Variants in COMMD7 observed in about 807,000 individuals in gnomAD.
COMMD7 encodes COMM domain containing 7.
In COMMD7, 28 loss-of-function variants were observed where a neutral mutation model predicts 34.8. The ratio of observed to expected loss-of-function variants is 0.80; its 90% confidence interval spans 0.60 to 1.10. COMMD7 has a LOEUF of 1.10. COMMD7 is among the 50% of genes least tolerant of loss of function. COMMD7 has a pLI of 0.00. For synonymous variants in COMMD7, 80 were observed against 86.4 expected, an observed-to-expected ratio of 0.93 and a Z score of 0.41; for missense variants, 211 against 241.6, an observed-to-expected ratio of 0.87 and a Z score of 0.84.
chr20:32,726,062 CAA>C (rs34689858), intron 3 of COMMD7, among the ~76,000 whole-genome samples: 91 of 71,114 alleles, frequency 1.3e-3, no homozygotes, highest in South Asian at 3.4e-3. Flanking sequence ...AAGCCTGTCT[CAA>C]AAAAAAAAAA....
rs73251849 is a variant in COMMD7, at chr20:32,706,888, A to C, written c.242-128T>G. On this transcript the variant is annotated intron_variant, in intron 3 of 8. Coordinates refer to ENST00000278980, the MANE Select transcript of COMMD7 (RefSeq NM_053041.3). ...CACCCAAAGACTGGCCAGCTCCAAG[A>C]TCTCAATCCAGCCATGGGGAAATAG... 8.4e-3 allele frequency: 5,810 copies of C among 690,526 alleles called. 215 individuals are homozygous for C. The African/African-American group carries it at 0.093, about 11-fold the overall frequency. 42.8% of individuals were successfully genotyped at this position (690,526 alleles called of 1,614,324 possible).
intron 3 of COMMD7, among the ~76,000 whole-genome samples, chr20:32,721,208 A>G (rs1407326301): frequency 2.0e-5 from 3 of 152,358 alleles, no homozygotes; most frequent in Middle Eastern, 3.4e-3. Flanking sequence ...GCGGTGGCTC[A>G]TGCCTGTAAT....
Position 32,739,369 on chromosome 20 carries a change from G to C in COMMD7, c.84+3939C>G, listed in dbSNP as rs113819902. 4.4e-3 allele frequency among the ~76,000 whole-genome samples: 664 copies of C among 152,270 alleles called. 3 individuals carry two copies. The highest frequency in any genetic ancestry group is 0.015 in the African/African-American group (629 of 41,550). Reference sequence around the variant, plus strand: ...TCAATTAGTTAACATACATAAGCTGGGCGCGGTGTCTCACGCCTGTAATCC... The same window carrying C: ...TCAATTAGTTAACATACATAAGCTGCGCGCGGTGTCTCACGCCTGTAATCC... On this transcript the variant is annotated intron_variant, in intron 1 of 8. Coordinates refer to ENST00000278980, the MANE Select transcript of COMMD7 (RefSeq NM_053041.3).
chr20:32,732,583 C>A (rs1306575231), intron 1 of COMMD7, among the ~76,000 whole-genome samples: 1 of 150,984 alleles, frequency 6.6e-6, no homozygotes, highest in Non-Finnish European at 1.5e-5. Flanking sequence ...GTTCAGGCAA[C>A]ATAGTGAGAG....
chr20:32,704,362 T>A, intron 7 of COMMD7, 78 bp downstream of exon 7: 1 of 1,304,552 alleles, frequency 7.7e-7, no homozygotes. Flanking sequence ...CATTTAAATA[T>A]CCATTTAACC....
Position 32,707,294 on chromosome 20 carries a change from A to AAT in COMMD7, c.242-536_242-535dup, listed in dbSNP as rs1555822523. ...GCGAGACTCCGTCTCAAAAAAAAAA[A>AAT]ATATATATATATATACTTATCTCAA... On this transcript the variant is annotated intron_variant, in intron 3 of 8. Coordinates refer to ENST00000278980, the MANE Select transcript of COMMD7 (RefSeq NM_053041.3). Among the ~76,000 whole-genome samples the AAT allele has an allele frequency of 4.4e-3, 568 of 129,182 alleles. 4 individuals are homozygous for AAT. Among genetic ancestry groups the AAT allele is most frequent in the Non-Finnish European group, 5.0e-3 (310 of 62,392 alleles). 84.7% of individuals were successfully genotyped at this position (129,182 alleles called of 152,430 possible).
At chr20:32,732,199 C>T (rs774949943) in intron 1 of COMMD7, among the ~76,000 whole-genome samples, 3 of 152,190 alleles carry the variant, frequency 2.0e-5, no homozygotes, top group Non-Finnish European at 4.4e-5. Flanking sequence ...ATCCTCCCAC[C>T]TCAGTCTGCT....
In COMMD7 at chr20:32,736,136, T is replaced by C. The variant is rs369673481; in HGVS notation, c.84+7172A>G. Among the ~76,000 whole-genome samples the C allele has an allele frequency of 4.6e-5, 7 of 152,140 alleles. No individual in the cohort carries two copies. In the East Asian group the frequency reaches 1.3e-3, roughly 29 times the overall value. On this transcript the variant is annotated intron_variant, in intron 1 of 8. Coordinates refer to ENST00000278980, the MANE Select transcript of COMMD7 (RefSeq NM_053041.3). ...TATTCCTAAGTCCTACCAGGTTTAG[T>C]GGCTATTTGGTTTATGTAGGCATTC...
intron 3 of COMMD7, among the ~76,000 whole-genome samples, chr20:32,714,623 A>G (rs189462720): frequency 1.3e-5 from 2 of 151,382 alleles, no homozygotes; most frequent in Non-Finnish European, 2.9e-5. Context: ...CAGGAGTTCG[A>G]GGCCAGCCTG....
intron 3 of COMMD7, among the ~76,000 whole-genome samples, chr20:32,710,494 G>T (rs1267783259): frequency 6.6e-6 from 1 of 151,694 alleles, no homozygotes; most frequent in Non-Finnish European, 1.5e-5. Context: ...CACTTTGGGA[G>T]GCTGAGGTGG....
chr20:32,711,221 AC>A (rs1984420903), intron 3 of COMMD7, among the ~76,000 whole-genome samples: 1 of 151,852 alleles, frequency 6.6e-6, no homozygotes, highest in Admixed American at 6.6e-5. Flanking sequence ...ACGTGGTGAA[AC>A]CCCGTCTCCA....
chr20:32,720,160 G>A (rs1160432963), intron 3 of COMMD7, among the ~76,000 whole-genome samples: 1 of 152,134 alleles, frequency 6.6e-6, no homozygotes, highest in African/African-American at 2.4e-5. Context: ...TCTCTTCACT[G>A]GTATGCTGAG....
intron 3 of COMMD7, among the ~76,000 whole-genome samples, chr20:32,709,041 CA>C (rs1453893231): frequency 6.6e-6 from 1 of 152,110 alleles, no homozygotes; most frequent in East Asian, 1.9e-4. Flanking sequence ...TGCAGATAGT[CA>C]AGAATTGCAC....
At chr20:32,720,683 G>A (rs979371898) in intron 3 of COMMD7, among the ~76,000 whole-genome samples, 16 of 152,068 alleles carry the variant, frequency 1.1e-4, no homozygotes, top group African/African-American at 2.7e-4. Flanking sequence ...TTGGTGCACC[G>A]TAGTCCCAGC....
Position 32,743,374 on chromosome 20 carries a change from G to A in COMMD7, c.18C>T (p.Cys6=), listed in dbSNP as rs1986547893. The change falls in exon 1 of 9, where the codon TGC becomes TGT. Residue 6 remains cysteine, a synonymous_variant. Transcript: ENST00000278980. MGRLH[C]TEDPVPEAVG... The stretch of plus-strand genomic sequence containing the variant: ...CGGCCTCCGGCACCGGGTCCTCAGT[G>A]CAGTGCAGGCGGCCCATGGCGCGCG... The A allele has an allele frequency of 2.0e-6, 3 of 1,470,978 alleles. No individual in the cohort carries two copies. Among genetic ancestry groups the A allele is most frequent in the East Asian group, 5.9e-5 (2 of 34,120 alleles). The allele number at this position is 1,470,978 out of a possible 1,614,324, so 91.1% of individuals were successfully genotyped here.
At chr20:32,721,855 C>A (rs1476503727) in intron 3 of COMMD7, among the ~76,000 whole-genome samples, 1 of 151,058 alleles carries the variant, frequency 6.6e-6, no homozygotes, top group South Asian at 2.1e-4. Context: ...TGAAATCATG[C>A]TACTGCGCTC....
chr20:32,717,067 G>A (rs1005457238), intron 3 of COMMD7, among the ~76,000 whole-genome samples: 8 of 152,068 alleles, frequency 5.3e-5, no homozygotes, highest in Non-Finnish European at 7.3e-5. Context: ...TCCTGACCTC[G>A]TGATCCACAT....
chr20:32,717,896 C>G (rs566345428), intron 3 of COMMD7, among the ~76,000 whole-genome samples: 390 of 151,772 alleles, frequency 2.6e-3, no homozygotes, highest in African/African-American at 9.1e-3. Context: ...ACCACCCTGG[C>G]TGACATGGTA....
rs1241641242 is a variant in COMMD7 at position 32,712,126 on chromosome 20, C to T, written c.242-5366G>A. On this transcript the variant is annotated intron_variant, in intron 3 of 8. Transcript: ENST00000278980. ...CTCTACTAAAAATACAAAAATTAGC[C>T]GGGCGTGGTGGCAGGCGCCTGTAAT... Among the ~76,000 whole-genome samples, 5 of 150,952 alleles carry T rather than the reference C, an allele frequency of 3.3e-5. No individual in the cohort carries two copies. In the East Asian group the frequency reaches 5.9e-4, roughly 18 times the overall value.
Sources: gnomAD v4.1 joint callset for allele counts (sites outside exome capture counted in the v4.1 genomes callset) on GRCh38, gnomAD v4.1.1 for gene constraint, MANE v1.5 for transcripts, NCBI Gene and HGNC (gene_info 2026-07-23, HGNC 2026-07-21) for gene names.